Variants in NBAS observed in about 807,000 individuals in gnomAD.
The protein encoded by NBAS is NBAS subunit of NRZ tethering complex.
NBAS carries 219 observed loss-of-function variants against 302.5 expected under a neutral mutation model. That is an observed-to-expected ratio of 0.72 (90% CI 0.65 to 0.81). NBAS has a LOEUF of 0.81. Among genes scored for constraint, NBAS ranks in the 30% least tolerant of loss-of-function variants. The pLI, the probability that NBAS is intolerant of heterozygous loss-of-function variation, is 0.00. For synonymous variants in NBAS, 1,118 were observed against 1,021.6 expected (o/e 1.09, Z -1.80); for missense variants, 2,932 against 2,841.6 (o/e 1.03, Z -0.72).
intron 51 of NBAS, among the ~76,000 whole-genome samples, chr2:15,176,170 G>A (rs1204652451): frequency 1.3e-5 from 2 of 152,198 alleles, no homozygotes; most frequent in Non-Finnish European, 2.9e-5. Flanking sequence ...CTAGACGTGA[G>A]TCGGGCCAAA....
At chr2:14,830,283 T>C in the NBAS span, among the ~76,000 whole-genome samples, 1 of 150,634 alleles carries the variant, frequency 6.6e-6, no homozygotes, top group South Asian at 2.1e-4. Context: ...GGGTCTCACA[T>C]AATTAGCCTC....
chr2:15,449,644 G>A (rs1678913635), intron 21 of NBAS, among the ~76,000 whole-genome samples: 1 of 151,738 alleles, frequency 6.6e-6, no homozygotes, highest in African/African-American at 2.4e-5. Context: ...GATCTAAAGT[G>A]CCCACAGTGC....
intron 39 of NBAS, 70 bp downstream of exon 39, chr2:15,309,101 C>A: frequency 8.2e-7 from 1 of 1,223,682 alleles, no homozygotes. Flanking sequence ...ACAATTTTAC[C>A]GATGAAAATT....
intron 48 of NBAS, among the ~76,000 whole-genome samples, chr2:15,202,249 C>T (rs1025258227): frequency 2.0e-5 from 3 of 152,192 alleles, no homozygotes; most frequent in Non-Finnish European, 4.4e-5. Flanking sequence ...TGCTTTACAG[C>T]ACCCTACTTA....
At chr2:14,972,385 C>A in the NBAS span, among the ~76,000 whole-genome samples, 2 of 151,766 alleles carry the variant, frequency 1.3e-5, no homozygotes, top group Non-Finnish European at 2.9e-5. Context: ...ATGTAACAAA[C>A]CTAAATGTTC....
the NBAS span, among the ~76,000 whole-genome samples, chr2:15,093,771 CAT>C: frequency 6.6e-6 from 1 of 151,990 alleles, no homozygotes; most frequent in African/African-American, 2.4e-5. Flanking sequence ...TAATTAAAGA[CAT>C]AGAGAAAATG....
chr2:14,932,732 T>C, the NBAS span, among the ~76,000 whole-genome samples: 4 of 152,236 alleles, frequency 2.6e-5, no homozygotes, highest in Admixed American at 6.5e-5. Flanking sequence ...GCTGAGGCTG[T>C]GGCCAGACTG....
chr2:15,098,527 A>T, the NBAS span, among the ~76,000 whole-genome samples: 2 of 117,554 alleles, frequency 1.7e-5, no homozygotes, highest in Non-Finnish European at 3.3e-5. Context: ...TATATATGTT[A>T]TATATTATGT....
At position 15,551,539 on chromosome 2, in the gene NBAS, G is replaced by A; in HGVS notation, c.336-3C>T. The stretch of plus-strand genomic sequence containing the variant: ...ATGTAAAATCATCTTTTGCAGACCT[G>A]TAAAACATGCAAAATCAAGGCAAAA... On this transcript the variant is annotated splice_polypyrimidine_tract_variant and splice_region_variant and intron_variant, in intron 5 of 51. Transcript: ENST00000281513. 6.2e-7 allele frequency: 1 copy of A among 1,607,798 alleles called. No homozygotes were observed. The highest frequency in any genetic ancestry group is 8.5e-7 in the Non-Finnish European group (1 of 1,176,110).
chr2:14,876,393 A>T, the NBAS span, among the ~76,000 whole-genome samples: 1 of 152,190 alleles, frequency 6.6e-6, no homozygotes, highest in Non-Finnish European at 1.5e-5. Flanking sequence ...TCTCCACTCT[A>T]ACAGAGGGCA....
the NBAS span, among the ~76,000 whole-genome samples, chr2:14,989,050 C>A: frequency 6.6e-6 from 1 of 152,066 alleles, no homozygotes; most frequent in South Asian, 2.1e-4. Context: ...GTTAAAACAT[C>A]GCACATCTTC....
In NBAS at chr2:15,190,323, A is replaced by C; in HGVS notation, c.6513T>G (p.Ala2171=). ...AAAGTAAAACCAAGTGCTGAAATTC[A>C]GCCTCGTGGTGACTAGATTCCAGGA... ...MELLESSHHE[A]EFQHLVLLLQ... is the part of the protein sequence containing the mutation. The change falls in exon 49 of 52, where the codon GCT becomes GCG. Residue 2171 remains alanine (A), a synonymous_variant. Coordinates refer to ENST00000281513, the MANE Select transcript of NBAS (RefSeq NM_015909.4). The C allele has an allele frequency of 6.2e-7, 1 of 1,614,042 alleles. No individual in the cohort carries two copies.
At chr2:15,144,046 A>ATATATATATATATATATATTATC in the NBAS span, among the ~76,000 whole-genome samples, 1 of 104,578 alleles carries the variant, frequency 9.6e-6, no homozygotes, top group Non-Finnish European at 1.7e-5. Flanking sequence ...CCTATATATA[A>ATATATATATATATATATATTATC]AAATATATAT....
At chr2:14,811,694 C>T in the NBAS span, among the ~76,000 whole-genome samples, 1 of 151,958 alleles carries the variant, frequency 6.6e-6, no homozygotes, top group African/African-American at 2.4e-5. Flanking sequence ...GGGGCAAAGA[C>T]TAGATGAGGG....
chr2:15,539,349 T>A lies in NBAS; in HGVS notation c.387A>T (p.Lys129Asn), dbSNP rs1663685144. The A allele has an allele frequency of 6.2e-6, 10 of 1,614,084 alleles. No individual in the cohort carries two copies. Among genetic ancestry groups the A allele is most frequent in the Non-Finnish European group, 8.5e-6 (10 of 1,180,028 alleles). ...TSIIGKCQVP[K>N]DPKPQWRRVA... ...CCCGTCTCCACTGGGGTTTCGGGTC[T>A]TTCGGAACTAGAACAAAAGAAAACA... Residue 129 changes from lysine to asparagine, a missense_variant, in exon 7 of 52, where the codon AAA becomes AAT. Coordinates refer to ENST00000281513, the MANE Select transcript of NBAS (RefSeq NM_015909.4).
intron 50 of NBAS, among the ~76,000 whole-genome samples, chr2:15,186,264 A>G (rs1401736651): frequency 1.3e-5 from 2 of 152,058 alleles, no homozygotes; most frequent in Non-Finnish European, 2.9e-5. Context: ...AAGGTCAAAA[A>G]GGAGGTGCCT....
the NBAS span, among the ~76,000 whole-genome samples, chr2:15,011,054 A>T: frequency 6.6e-5 from 10 of 152,236 alleles, no homozygotes; most frequent in Non-Finnish European, 1.3e-4. Context: ...GAGTATTTTT[A>T]AAAGTCATCC....
At chr2:15,472,226 T>C (rs550454256) in intron 16 of NBAS, among the ~76,000 whole-genome samples, 7 of 152,282 alleles carry the variant, frequency 4.6e-5, no homozygotes, top group African/African-American at 1.4e-4. Context: ...CTAGTCCTGA[T>C]GTGCTTTGGT....
chr2:15,087,655 T>A, the NBAS span, among the ~76,000 whole-genome samples: 1 of 152,188 alleles, frequency 6.6e-6, no homozygotes, highest in South Asian at 2.1e-4. Flanking sequence ...GGAAGGACAC[T>A]GGCCAGGCCT....
Sources: gnomAD v4.1 joint callset for allele counts (sites outside exome capture counted in the v4.1 genomes callset) on GRCh38, gnomAD v4.1.1 for gene constraint, MANE v1.5 for transcripts, NCBI Gene and HGNC (gene_info 2026-07-23, HGNC 2026-07-21) for gene names.